ERCC6: variants seen among roughly 807,000 people sequenced by gnomAD.
ERCC6 encodes ERCC excision repair 6, chromatin remodeling factor.
In ERCC6, 116 loss-of-function variants were observed where a neutral mutation model predicts 158.7. That is an observed-to-expected ratio of 0.73 (90% CI 0.63 to 0.85). The LOEUF is 0.85. Among genes scored for constraint, ERCC6 ranks in the 40% least tolerant of loss-of-function variants. The probability of loss-of-function intolerance (pLI) is 0.00; values close to 1 mark genes in which losing one functional copy is unlikely to be tolerated. For missense variants in ERCC6, 1,698 were observed against 1,799.4 expected (o/e 0.94, Z 1.02); for synonymous variants, 678 against 659.3 (o/e 1.03, Z -0.43).
chr10:49,537,500 T>TACAC (rs1234237442), intron 1 of ERCC6, among the ~76,000 whole-genome samples: 8 of 133,000 alleles, frequency 6.0e-5, no homozygotes, highest in African/African-American at 2.3e-4. Flanking sequence ...TATATATATA[T>TACAC]ATACACATAC....
At chr10:49,478,148 A>G (rs1350517384) in intron 11 of ERCC6, among the ~76,000 whole-genome samples, 1 of 152,250 alleles carries the variant, frequency 6.6e-6, no homozygotes, top group Non-Finnish European at 1.5e-5. Flanking sequence ...GAGTAGCTAT[A>G]GGAATCCATG....
At position 49,456,255 on chromosome 10, in the gene ERCC6, CTT is replaced by C. The variant is rs1273446803; in HGVS notation, c.*2558_*2559del. 6.6e-6 allele frequency: 1 copy of C among 152,212 alleles called. No homozygotes were observed. Among genetic ancestry groups the C allele is most frequent in the African/African-American group, 2.4e-5 (1 of 41,448 alleles). 9.4% of individuals were successfully genotyped at this position (152,212 alleles called of 1,614,324 possible). On this transcript the variant is annotated 3_prime_UTR_variant, in exon 21 of 21. Transcript: ENST00000355832. ...CTTCCTCAACACATCACTTCCATCTCTTGAGATGCCAGGTCACTACTGAAGCT... is the reference window on the plus strand; with the variant it reads ...CTTCCTCAACACATCACTTCCATCTCGAGATGCCAGGTCACTACTGAAGCT...
intron 5 of ERCC6, chr10:49,515,533 C>A (rs755918342): frequency 3.1e-6 from 5 of 1,614,060 alleles, no homozygotes; most frequent in Non-Finnish European, 4.2e-6. Context: ...GGAGGATGAC[C>A]ATGGGTCTCC....
intron 18 of ERCC6, among the ~76,000 whole-genome samples, chr10:49,462,594 C>T (rs1005317410): frequency 1.3e-5 from 2 of 151,986 alleles, no homozygotes; most frequent in East Asian, 3.9e-4. Context: ...GCTAACATCC[C>T]TAATATATAA....
At chr10:49,524,806 A>C (rs1455304849) in intron 4 of ERCC6, 29 bp from the exon 5 acceptor site, 3 of 1,598,838 alleles carry the variant, frequency 1.9e-6, no homozygotes, top group South Asian at 2.2e-5. Flanking sequence ...TGCGTTTCGC[A>C]CTAGCATGAA....
At chr10:49,449,548 TGATA>T (rs958920769), downstream of ERCC6, among the ~76,000 whole-genome samples, 1 of 150,038 alleles carries the variant, frequency 6.7e-6, no homozygotes, top group African/African-American at 2.4e-5. Flanking sequence ...GGTTTTGCTT[TGATA>T]GTTAGGTCTT....
At chr10:49,491,434 T>TA (rs1291187384) in intron 8 of ERCC6, among the ~76,000 whole-genome samples, 2 of 152,198 alleles carry the variant, frequency 1.3e-5, no homozygotes, top group Non-Finnish European at 2.9e-5. Context: ...ATCTTCAAGT[T>TA]AGAGTCCTTG....
At chr10:49,459,746 A>T (rs1409477315) in intron 20 of ERCC6, among the ~76,000 whole-genome samples, 1 of 152,214 alleles carries the variant, frequency 6.6e-6, no homozygotes, top group Non-Finnish European at 1.5e-5. Flanking sequence ...CTAACTCTGA[A>T]AGGGTCTCAA....
At chr10:49,472,534 G>A (rs1474837223) in intron 15 of ERCC6, 64 bp from the exon 16 acceptor site, 1 of 1,541,972 alleles carries the variant, frequency 6.5e-7, no homozygotes, top group Non-Finnish European at 8.9e-7. Context: ...CTGACTATAA[G>A]AAACAAAGCT....
intron 5 of ERCC6, among the ~76,000 whole-genome samples, chr10:49,513,854 CTCTT>C: frequency 6.7e-6 from 1 of 148,186 alleles, no homozygotes; most frequent in South Asian, 2.1e-4. Flanking sequence ...CTCTCTCTCT[CTCTT>C]TTTTTTTTAA....
chr10:49,534,133 C>CAAAAAAAAAAAAAAAA (rs746772551), intron 1 of ERCC6, among the ~76,000 whole-genome samples: 1 of 60,312 alleles, frequency 1.7e-5, no homozygotes, highest in African/African-American at 7.0e-5. Context: ...GACTCAATCT[C>CAAAAAAAAAAAAAAAA]AAAAAAAAAA....
At chr10:49,526,092 TA>T (rs1339131398) in intron 4 of ERCC6, among the ~76,000 whole-genome samples, 4 of 103,230 alleles carry the variant, frequency 3.9e-5, no homozygotes, top group East Asian at 7.9e-4. Flanking sequence ...TATTTATATT[TA>T]TATATTTATA....
chr10:49,472,729 A>C (rs1270470591), intron 15 of ERCC6, 180 bp downstream of exon 15: 2 of 786,018 alleles, frequency 2.5e-6, no homozygotes, highest in Non-Finnish European at 4.1e-6. Context: ...TAAACTGCTG[A>C]AGATGGTTCC....
intron 3 of ERCC6, among the ~76,000 whole-genome samples, chr10:49,529,229 G>A (rs375239242): frequency 1.3e-5 from 2 of 152,186 alleles, no homozygotes; most frequent in Non-Finnish European, 1.5e-5. Context: ...CTTCAAATAC[G>A]AGTGTGGGAC....
intron 7 of ERCC6, 134 bp from the exon 8 acceptor site, chr10:49,493,386 T>C (rs1851210604): frequency 1.8e-6 from 2 of 1,139,926 alleles, no homozygotes; most frequent in Admixed American, 4.6e-5. Context: ...AATTTATTGA[T>C]ATTTTCTTTA....
chr10:49,524,318 T>A lies in ERCC6; in HGVS notation c.1112A>T (p.Glu371Val), dbSNP rs774833290. ...CTCCTCTGTGGGGAAATACTCAGACTCTTCACCCTCAGAGTCTCCCTCTGC... is the reference window on the plus strand; with the variant it reads ...CTCCTCTGTGGGGAAATACTCAGACACTTCACCCTCAGAGTCTCCCTCTGC... ...PEAEGDSEGE[E>V]SEYFPTEEEE... The change falls in exon 5 of 21, where the codon GAG becomes GTG. Residue 371 changes from glutamate to valine, a missense_variant. By Grantham distance (121) the Glu-to-Val change is moderately radical. Coordinates refer to ENST00000355832, the MANE Select transcript of ERCC6 (RefSeq NM_000124.4). 6.2e-7 allele frequency: 1 copy of A among 1,614,092 alleles called. No individual in the cohort carries two copies. Among genetic ancestry groups the A allele is most frequent in the South Asian group, 1.1e-5 (1 of 91,086 alleles).
rs780697990 is a variant in ERCC6, at chr10:49,532,895, T to C, written c.70A>G (p.Ser24Gly). 1 of 1,614,252 alleles carries C rather than the reference T, an allele frequency of 6.2e-7. No homozygotes were observed. Among genetic ancestry groups the C allele is most frequent in the Non-Finnish European group, 8.5e-7 (1 of 1,180,050 alleles). ...TTGATTGCCATTTCTTCATTATTACTGACAGGTTGACTCTGTAAACAGTCT... is the reference window on the plus strand; with the variant it reads ...TTGATTGCCATTTCTTCATTATTACCGACAGGTTGACTCTGTAAACAGTCT... ...EQDCLQSQPV[S>G]NNEEMAIKQE... The change falls in exon 2 of 21, where the codon AGT becomes GGT. Residue 24 changes from serine to glycine, a missense_variant. Physicochemically the swap from Ser to Gly is moderately conservative, Grantham distance 56 (BLOSUM62 0). Coordinates refer to ENST00000355832, the MANE Select transcript of ERCC6 (RefSeq NM_000124.4).
chr10:49,532,195 G>A (rs955280341), intron 2 of ERCC6, among the ~76,000 whole-genome samples: 2 of 152,204 alleles, frequency 1.3e-5, no homozygotes, highest in Admixed American at 6.5e-5. Context: ...TGAAGGGGGC[G>A]CAATGTATTC....
intron 8 of ERCC6, among the ~76,000 whole-genome samples, chr10:49,491,345 G>T (rs1851169922): frequency 6.6e-6 from 1 of 152,178 alleles, no homozygotes; most frequent in Admixed American, 6.5e-5. Flanking sequence ...AATGGAAAAG[G>T]AACAGTAGGA....
Sources: allele counts gnomAD v4.1 joint callset (sites outside exome capture counted in the v4.1 genomes callset), GRCh38; gene constraint gnomAD v4.1.1; transcripts MANE v1.5; gene names NCBI Gene and HGNC (gene_info 2026-07-23, HGNC 2026-07-21).